PCDHB8: variants seen among roughly 807,000 people sequenced by gnomAD.
PCDHB8 encodes the protein protocadherin beta 8.
For missense variants in PCDHB8, 836 were observed against 1,004.0 expected, an observed-to-expected ratio of 0.83 and a Z score of 2.26; for synonymous variants, 385 against 448.5, an observed-to-expected ratio of 0.86 and a Z score of 1.79.
Position 141,178,895 on chromosome 5 carries a change from T to G in PCDHB8, c.861T>G (p.Asp287Glu), listed in dbSNP as rs147825582. Residue 287 changes from aspartate to glutamate, a missense_variant, in exon 1 of 1, where the codon GAT becomes GAG. Coordinates refer to ENST00000239444, the MANE Select transcript of PCDHB8 (RefSeq NM_019120.5). ...CCTATTCACTTTTCCAAGCTTCAGATGAGATAAGCAAAACTTTTAAGGTCG... is the reference window on the plus strand; with the variant it reads ...CCTATTCACTTTTCCAAGCTTCAGAGGAGATAAGCAAAACTTTTAAGGTCG... The part of the protein sequence containing the change: ...EISYSLFQAS[D>E]EISKTFKVDF... 7.7e-5 allele frequency: 124 copies of G among 1,614,038 alleles called. No individual in the cohort carries two copies. The highest frequency in any genetic ancestry group is 9.6e-5 in the Non-Finnish European group (113 of 1,180,004).
Position 141,178,568 on chromosome 5 carries a change from T to C in PCDHB8, c.534T>C (p.Tyr178=), listed in dbSNP as rs184970149. ...ACTATATAATCAGCCCCAACTCCTA[T>C]TTTCGGGTCCTCACCCGCAAACGCA... ...IENYIISPNS[Y]FRVLTRKRSD... is the part of the protein sequence containing the mutation. The change falls in exon 1 of 1, where the codon TAT becomes TAC. Residue 178 remains tyrosine (Y), a synonymous_variant. Transcript: ENST00000239444. 4.4e-5 allele frequency: 71 copies of C among 1,613,976 alleles called. No homozygotes were observed. Among genetic ancestry groups the C allele is most frequent in the Non-Finnish European group, 5.8e-5 (68 of 1,180,016 alleles).
rs1398272747 is a variant in PCDHB8 at position 141,179,569 on chromosome 5, G to T, written c.1535G>T (p.Gly512Val). Reference protein sequence around the residue: ...ASLVSINTDNGHLFALRSLDY... With the variant: ...ASLVSINTDNVHLFALRSLDY... ...CTGGTCTCCATCAACACAGACAACG[G>T]CCACCTGTTCGCCCTCAGGTCGCTG... The change falls in exon 1 of 1, where the codon GGC (glycine) becomes GTC (valine). Residue 512 changes from glycine (G) to valine (V), a missense_variant. Gly to Val is a moderately radical substitution (Grantham distance 109). Transcript: ENST00000239444. 6.2e-7 allele frequency: 1 copy of T among 1,613,664 alleles called. No homozygotes were observed. The highest frequency in any genetic ancestry group is 1.3e-5 in the African/African-American group (1 of 74,928).
chr5:141,180,187 G>A lies in PCDHB8; in HGVS notation c.2153G>A (p.Ser718Asn), dbSNP rs782663746. ...LFVAVLLCRRSRAASVGRCSV... is the reference protein window; with the variant it reads ...LFVAVLLCRRNRAASVGRCSV... ...GTGGCGGTGCTGCTGTGTAGGAGGA[G>A]CAGGGCGGCCTCGGTGGGTCGCTGC... Residue 718 changes from serine (S) to asparagine (N), a missense_variant, in exon 1 of 1, where the codon AGC becomes AAC. Coordinates refer to ENST00000239444, the MANE Select transcript of PCDHB8 (RefSeq NM_019120.5). 91 of 1,612,524 alleles carry A rather than the reference G, an allele frequency of 5.6e-5. No individual in the cohort carries two copies. The highest frequency in any genetic ancestry group is 7.4e-5 in the Non-Finnish European group (87 of 1,179,964).
rs782449653 is a variant in PCDHB8, at chr5:141,179,711, G to T, written c.1677G>T (p.Ser559=). ...RVLVLDANDN[S]PFVLYPLQNG... ...TGGTGCTGGACGCCAACGACAACTC[G>T]CCCTTCGTGCTGTACCCGCTGCAGA... The change falls in exon 1 of 1, where the codon TCG becomes TCT. Residue 559 remains serine, a synonymous_variant. Coordinates refer to ENST00000239444, the MANE Select transcript of PCDHB8 (RefSeq NM_019120.5). The T allele has an allele frequency of 1.2e-6, 2 of 1,611,908 alleles. No homozygotes were observed. The highest frequency in any genetic ancestry group is 1.7e-5 in the Admixed American group (1 of 59,990).
rs782710772 is a variant in PCDHB8 at position 141,179,908 on chromosome 5, T to G, written c.1874T>G (p.Val625Gly). The change falls in exon 1 of 1, where the codon GTG becomes GGG. Residue 625 changes from valine to glycine, a missense_variant. By Grantham distance (109) the Val-to-Gly change is moderately radical. Coordinates refer to ENST00000239444, the MANE Select transcript of PCDHB8 (RefSeq NM_019120.5). ...GGTGTGTGGGCGCACAATGGCGAGGTGCGCACCGCCAGGCTGCTGAGCGAG... is the reference window on the plus strand; with the variant it reads ...GGTGTGTGGGCGCACAATGGCGAGGGGCGCACCGCCAGGCTGCTGAGCGAG... ...LFGVWAHNGE[V>G]RTARLLSERD... The G allele has an allele frequency of 3.1e-6, 5 of 1,609,240 alleles. No homozygotes were observed. The highest frequency in any genetic ancestry group is 2.2e-4 in the Middle Eastern group (1 of 4,472).
Position 141,179,828 on chromosome 5 carries a change from C to T in PCDHB8, c.1794C>T (p.Gly598=). 1.2e-6 allele frequency: 2 copies of T among 1,610,334 alleles called. No individual in the cohort carries two copies. The highest frequency in any genetic ancestry group is 8.5e-7 in the Non-Finnish European group (1 of 1,179,652). ...TGGTGGCGGTGGACGGCGACTCGGGCCAGAACGCCTGGCTGTCGTACCAGC... is the reference window on the plus strand; with the variant it reads ...TGGTGGCGGTGGACGGCGACTCGGGTCAGAACGCCTGGCTGTCGTACCAGC... ...TKVVAVDGDS[G]QNAWLSYQLL... The change falls in exon 1 of 1, where the codon GGC becomes GGT. Residue 598 remains glycine (G), a synonymous_variant. Coordinates refer to ENST00000239444, the MANE Select transcript of PCDHB8 (RefSeq NM_019120.5).
rs1554280828 is a variant in PCDHB8 at position 141,178,008 on chromosome 5, C to G, written c.-27C>G. 1.9e-6 allele frequency: 3 copies of G among 1,613,686 alleles called. No homozygotes were observed. On this transcript the variant is annotated 5_prime_UTR_variant, in exon 1 of 1. Transcript: ENST00000239444. The stretch of plus-strand genomic sequence containing the variant: ...CTTTACAGTCCCACAGAACCGTCCT[C>G]CCAGGAAGCTGAATTCAGCAAGAAC...
chr5:141,178,845 G>T lies in PCDHB8; in HGVS notation c.811G>T (p.Asp271Tyr), dbSNP rs1753453605. ...TGTGAAGGTCTCTGCCACGGATGTA[G>T]ACACAGGAGTCAACGGAGAGATTTC... ...LVVKVSATDV[D>Y]TGVNGEISYS... The change falls in exon 1 of 1, where the codon GAC becomes TAC. Residue 271 changes from aspartate to tyrosine, a missense_variant. Coordinates refer to ENST00000239444, the MANE Select transcript of PCDHB8 (RefSeq NM_019120.5). The T allele has an allele frequency of 6.2e-7, 1 of 1,614,276 alleles. No homozygotes were observed. The highest frequency in any genetic ancestry group is 8.5e-7 in the Non-Finnish European group (1 of 1,180,060).
At position 141,180,392 on chromosome 5, in the gene PCDHB8, AAACTCT is replaced by A. The variant is rs1554281722; in HGVS notation, c.2363_2368del (p.Ser788_Asn789del). 2 of 1,608,276 alleles carry A rather than the reference AAACTCT, an allele frequency of 1.2e-6. No homozygotes were observed. Among genetic ancestry groups the A allele is most frequent in the East Asian group, 4.5e-5 (2 of 44,718 alleles). ...ATTCTTTTGGGCCAGAAATGGAACA[AAACTCT>A]AACTTTAGGAATGGCTTTGGTTTCA... On this transcript the variant is annotated inframe_deletion, in exon 1 of 1. Coordinates refer to ENST00000239444, the MANE Select transcript of PCDHB8 (RefSeq NM_019120.5).
At position 141,180,417 on chromosome 5, in the gene PCDHB8, G is replaced by T. The variant is rs998110050; in HGVS notation, c.2383G>T (p.Gly795Cys). The T allele has an allele frequency of 6.3e-7, 1 of 1,590,980 alleles. No homozygotes were observed. The highest frequency in any genetic ancestry group is 1.7e-4 in the Middle Eastern group (1 of 5,798). Residue 795 changes from glycine (G) to cysteine (C), a missense_variant, in exon 1 of 1, where the codon GGT (glycine) becomes TGT (cysteine). Coordinates refer to ENST00000239444, the MANE Select transcript of PCDHB8 (RefSeq NM_019120.5). ...AAACTCTAACTTTAGGAATGGCTTT[G>T]GTTTCAGCCTTCAGTTAAAGTAATT... ...EQNSNFRNGF[G>C]FSLQLK is the part of the protein sequence containing the mutation.
Position 141,179,267 on chromosome 5 carries a change from C to G in PCDHB8, c.1233C>G (p.Asp411Glu), listed in dbSNP as rs782489717. The G allele has an allele frequency of 3.1e-6, 5 of 1,614,206 alleles. No homozygotes were observed. Among genetic ancestry groups the G allele is most frequent in the Non-Finnish European group, 4.2e-6 (5 of 1,180,014 alleles). ...CCCTACTAACAGAGACACCACTAGA[C>G]AGAGAAAGCAGAGCCGAGTACAACG... ...FYTLLTETPL[D>E]RESRAEYNVT... The change falls in exon 1 of 1, where the codon GAC becomes GAG. Residue 411 changes from aspartate to glutamate, a missense_variant. By Grantham distance (45) the Asp-to-Glu change is conservative (BLOSUM62 2). Transcript: ENST00000239444.
rs781802748 is a variant in PCDHB8, at chr5:141,179,747, G to A, written c.1713G>A (p.Ala571=). Residue 571 remains alanine (A), a synonymous_variant, in exon 1 of 1, where the codon GCG becomes GCA. Coordinates refer to ENST00000239444, the MANE Select transcript of PCDHB8 (RefSeq NM_019120.5). ...FVLYPLQNGS[A]PCTELVPRAA... Reference sequence around the variant, plus strand: ...TGTACCCGCTGCAGAATGGCTCCGCGCCCTGCACCGAGCTGGTGCCCCGGG... The same window carrying A: ...TGTACCCGCTGCAGAATGGCTCCGCACCCTGCACCGAGCTGGTGCCCCGGG... 1.9e-6 allele frequency: 3 copies of A among 1,611,280 alleles called. No homozygotes were observed. The South Asian group carries it at 3.3e-5, about 18-fold the overall frequency.
Position 141,179,597 on chromosome 5 carries a change from C to CT in PCDHB8, c.1564dup (p.Tyr522LeufsTer195). On this transcript the variant is annotated frameshift_variant, in exon 1 of 1. Coordinates refer to ENST00000239444, the MANE Select transcript of PCDHB8 (RefSeq NM_019120.5). LOFTEE classifies it low-confidence loss of function (END_TRUNC). ...ACCTGTTCGCCCTCAGGTCGCTGGA[C>CT]TACGAGGCCCTGCAGGCGTTCGAGT... 6.2e-7 allele frequency: 1 copy of CT among 1,613,614 alleles called. No homozygotes were observed. Among genetic ancestry groups the CT allele is most frequent in the Non-Finnish European group, 8.5e-7 (1 of 1,179,966 alleles).
chr5:141,180,071 A>T lies in PCDHB8; in HGVS notation c.2037A>T (p.Pro679=), dbSNP rs781983619. The T allele has an allele frequency of 1.2e-6, 2 of 1,609,830 alleles. No homozygotes were observed. The highest frequency in any genetic ancestry group is 1.7e-6 in the Non-Finnish European group (2 of 1,179,818). The change falls in exon 1 of 1, where the codon CCA becomes CCT. Residue 679 remains proline (P), a synonymous_variant. Coordinates refer to ENST00000239444, the MANE Select transcript of PCDHB8 (RefSeq NM_019120.5). ...ACCTGCCGCTTCCGGAGGCTGCCCC[A>T]GCCCAGGGCCAGGCCGACTCTCTCA... The part of the protein sequence containing the change: ...QPYLPLPEAA[P]AQGQADSLTV...
rs373119743 is a variant in PCDHB8 at position 141,180,086 on chromosome 5, C to T, written c.2052C>T (p.Ala684=). The stretch of plus-strand genomic sequence containing the variant: ...AGGCTGCCCCAGCCCAGGGCCAGGC[C>T]GACTCTCTCACCGTCTACCTGGTGG... The part of the protein sequence containing the change: ...LPEAAPAQGQ[A]DSLTVYLVVA... Residue 684 remains alanine (A), a synonymous_variant, in exon 1 of 1, where the codon GCC becomes GCT. Transcript: ENST00000239444. 6.2e-7 allele frequency: 1 copy of T among 1,610,234 alleles called. No individual in the cohort carries two copies. Among genetic ancestry groups the T allele is most frequent in the African/African-American group, 1.3e-5 (1 of 74,986 alleles).
In PCDHB8 at chr5:141,180,307, G is replaced by T. The variant is rs201010429; in HGVS notation, c.2273G>T (p.Gly758Val). 4 of 1,614,096 alleles carry T rather than the reference G, an allele frequency of 2.5e-6. No individual in the cohort carries two copies. The Admixed American group carries it at 6.7e-5, about 27-fold the overall frequency. Residue 758 changes from glycine to valine, a missense_variant, in exon 1 of 1, where the codon GGA becomes GTA. Coordinates refer to ENST00000239444, the MANE Select transcript of PCDHB8 (RefSeq NM_019120.5). ...TATCAGTACGAGGTGTGCCTGGCAG[G>T]AGGCTCAGGGACGAATGAGTTCCAG... is the stretch of plus-strand genomic sequence containing the variant. ...QNYQYEVCLA[G>V]GSGTNEFQLL...
Position 141,180,038 on chromosome 5 carries a change from C to T in PCDHB8, c.2004C>T (p.Ser668=). The change falls in exon 1 of 1, where the codon TCC becomes TCT. Residue 668 remains serine, a synonymous_variant. Transcript: ENST00000239444. ...TLHVLLVDGF[S]QPYLPLPEAA... Reference sequence around the variant, plus strand: ...ACGTGCTCCTGGTGGACGGCTTCTCCCAGCCCTACCTGCCGCTTCCGGAGG... The same window carrying T: ...ACGTGCTCCTGGTGGACGGCTTCTCTCAGCCCTACCTGCCGCTTCCGGAGG... 3 of 1,609,488 alleles carry T rather than the reference C, an allele frequency of 1.9e-6. No individual in the cohort carries two copies. Among genetic ancestry groups the T allele is most frequent in the African/African-American group, 1.3e-5 (1 of 75,010 alleles).
Position 141,179,206 on chromosome 5 carries a change from C to T in PCDHB8, c.1172C>T (p.Pro391Leu), listed in dbSNP as rs782670751. ...AGTTGCTCCATTCAGGAGGATCTAC[C>T]CTTCCTCCTGAAATCTTCTGTGGGG... ...KISCSIQEDL[P>L]FLLKSSVGNF... The change falls in exon 1 of 1, where the codon CCC (proline) becomes CTC (leucine). Residue 391 changes from proline to leucine, a missense_variant. By Grantham distance (98) the Pro-to-Leu change is moderately conservative. Coordinates refer to ENST00000239444, the MANE Select transcript of PCDHB8 (RefSeq NM_019120.5). 8.1e-6 allele frequency: 13 copies of T among 1,614,032 alleles called. 1 individual carries two copies. The South Asian group carries it at 9.9e-5, about 12-fold the overall frequency.
chr5:141,180,274 C>T lies in PCDHB8; in HGVS notation c.2240C>T (p.Ser747Phe). Residue 747 changes from serine to phenylalanine, a missense_variant, in exon 1 of 1, where the codon TCT becomes TTT. Physicochemically the swap from Ser to Phe is radical, Grantham distance 155 (BLOSUM62 -2). Transcript: ENST00000239444. Reference protein sequence around the residue: ...LVDVRGTGSLSQNYQYEVCLA... With the variant: ...LVDVRGTGSLFQNYQYEVCLA... Reference sequence around the variant, plus strand: ...GACGTGAGGGGCACCGGGAGCCTGTCTCAGAACTATCAGTACGAGGTGTGC... The same window carrying T: ...GACGTGAGGGGCACCGGGAGCCTGTTTCAGAACTATCAGTACGAGGTGTGC... The T allele has an allele frequency of 6.2e-7, 1 of 1,614,008 alleles. No individual in the cohort carries two copies. Among genetic ancestry groups the T allele is most frequent in the Non-Finnish European group, 8.5e-7 (1 of 1,179,976 alleles).
Sources: allele counts gnomAD v4.1 joint callset, GRCh38; gene constraint gnomAD v4.1.1; transcripts MANE v1.5; gene names NCBI Gene and HGNC (gene_info 2026-07-23, HGNC 2026-07-21).